NFILZ: variants seen among roughly 807,000 people sequenced by gnomAD.
NFILZ encodes the protein NFIL3 like protein.
chr19:8,672,003 C>T (rs73505735), intron 3 of NFILZ, among the ~76,000 whole-genome samples: 1 of 152,354 alleles, frequency 6.6e-6, no homozygotes, highest in African/African-American at 2.4e-5. Flanking sequence ...CTGCACCTCA[C>T]TGTTATGGGT....
At chr19:8,668,034 T>C (rs1384962108) in intron 3 of NFILZ, among the ~76,000 whole-genome samples, 1 of 152,162 alleles carries the variant, frequency 6.6e-6, no homozygotes, top group Non-Finnish European at 1.5e-5. Flanking sequence ...TACTTCAGCC[T>C]CCACCTCCCA....
At position 8,656,444 on chromosome 19, in the gene NFILZ, T is replaced by TGAAACCCACCTCTTTC. The variant is rs2043000866; in HGVS notation, c.-163-18107_-163-18106insGAAACCCACCTCTTTC. 1.9e-3 allele frequency among the ~76,000 whole-genome samples: 77 copies of TGAAACCCACCTCTTTC among 40,194 alleles called. 1 individual carries two copies. Among genetic ancestry groups the TGAAACCCACCTCTTTC allele is most frequent in the Middle Eastern group, 8.5e-3 (1 of 118 alleles). The allele number at this position is 40,194 out of a possible 152,430, so 26.4% of individuals were successfully genotyped here. On this transcript the variant is annotated intron_variant, in intron 3 of 5. Transcript: ENST00000691075. Reference sequence around the variant, plus strand: ...CCTCTTTCCGCAGCCCACCTTCTCCTCGAAGCCCACCTTCTCTCTGAAGCC... The same window carrying TGAAACCCACCTCTTTC: ...CCTCTTTCCGCAGCCCACCTTCTCCTGAAACCCACCTCTTTCCGAAGCCCACCTTCTCTCTGAAGCC...
intron 3 of NFILZ, among the ~76,000 whole-genome samples, chr19:8,639,711 T>C (rs1314495042): frequency 1.3e-5 from 2 of 151,654 alleles, no homozygotes; most frequent in East Asian, 1.9e-4. Flanking sequence ...CCTGAAGGAG[T>C]TGTTGGAAGG....
chr19:8,652,103 A>ATT lies in NFILZ; in HGVS notation c.-164+16373_-164+16374dup, dbSNP rs35038370. Among the ~76,000 whole-genome samples the ATT allele has an allele frequency of 2.6e-3, 368 of 141,798 alleles. 3 individuals carry two copies. The highest frequency in any genetic ancestry group is 5.8e-3 in the African/African-American group (222 of 38,082). The allele number at this position is 141,798 out of a possible 152,430, so 93.0% of individuals were successfully genotyped here. A position where few individuals can be genotyped will look rare whatever the true frequency, so the allele number is the denominator to read the frequency against. On this transcript the variant is annotated intron_variant, in intron 3 of 5. Coordinates refer to ENST00000691075, the MANE Select transcript of NFILZ (RefSeq NM_001378600.1). ...TGTACTTTGCTGTGACCACTGGGAG[A>ATT]TTTTTTTTTTTTTTTTTGAAACGGA... is the stretch of plus-strand genomic sequence containing the variant.
intron 3 of NFILZ, among the ~76,000 whole-genome samples, chr19:8,649,264 C>T (rs533018504): frequency 3.5e-4 from 48 of 137,722 alleles, no homozygotes; most frequent in Admixed American, 9.6e-4. Flanking sequence ...CCACACCTGG[C>T]AATTAAGCAA....
At chr19:8,652,595 C>T (rs1178064780) in intron 3 of NFILZ, among the ~76,000 whole-genome samples, 4 of 152,154 alleles carry the variant, frequency 2.6e-5, no homozygotes, top group African/African-American at 9.7e-5. Context: ...TAAAATGTTA[C>T]ATCATTTTAC....
chr19:8,666,547 A>G (rs1555749831), intron 3 of NFILZ, among the ~76,000 whole-genome samples: 1 of 152,094 alleles, frequency 6.6e-6, no homozygotes, highest in Non-Finnish European at 1.5e-5. Context: ...TATGATGATA[A>G]CCTTGAACCC....
At chr19:8,672,968 A>G (rs2043095212) in intron 3 of NFILZ, among the ~76,000 whole-genome samples, 1 of 152,048 alleles carries the variant, frequency 6.6e-6, no homozygotes, top group South Asian at 2.1e-4. Flanking sequence ...TGTGGGGGAC[A>G]AGGGTGGAGG....
chr19:8,662,568 C>T (rs543426915), intron 3 of NFILZ, among the ~76,000 whole-genome samples: 1 of 151,214 alleles, frequency 6.6e-6, no homozygotes, highest in African/African-American at 2.4e-5. Flanking sequence ...TGCAGTTGTC[C>T]AGTTACGTGA....
rs570504460 is a variant in NFILZ, at chr19:8,679,805, C to T, written c.*2170C>T. Among the ~76,000 whole-genome samples, 1 of 152,130 alleles carries T rather than the reference C, an allele frequency of 6.6e-6. No homozygotes were observed. Among genetic ancestry groups the T allele is most frequent in the Non-Finnish European group, 1.5e-5 (1 of 68,032 alleles). ...CTATAAATGTTTACCTATAAATGAG[C>T]CCATTCCCTAGAAATATATTGTGAA... is the stretch of plus-strand genomic sequence containing the variant. On this transcript the variant is annotated 3_prime_UTR_variant, in exon 6 of 6. Transcript: ENST00000691075.
At chr19:8,641,595 G>A (rs781868431) in intron 3 of NFILZ, among the ~76,000 whole-genome samples, 1 of 152,178 alleles carries the variant, frequency 6.6e-6, no homozygotes, top group Non-Finnish European at 1.5e-5. Flanking sequence ...GGGAAACTGA[G>A]TCAAAAGAGC....
intron 3 of NFILZ, among the ~76,000 whole-genome samples, chr19:8,646,779 T>C (rs1039240428): frequency 6.6e-6 from 1 of 152,164 alleles, no homozygotes; most frequent in Non-Finnish European, 1.5e-5. Flanking sequence ...GTCTGTGCTG[T>C]TCCCTCTGTC....
intron 3 of NFILZ, among the ~76,000 whole-genome samples, chr19:8,642,166 T>C (rs569732564): frequency 6.8e-6 from 1 of 146,120 alleles, no homozygotes; most frequent in Admixed American, 6.8e-5. Context: ...TTTATCACCG[T>C]TCTCTTTTTT....
chr19:8,654,139 G>A (rs2042981492), intron 3 of NFILZ, among the ~76,000 whole-genome samples: 2 of 152,114 alleles, frequency 1.3e-5, no homozygotes, highest in African/African-American at 2.4e-5. Context: ...GGCTGAGGCA[G>A]GAGAATCACT....
chr19:8,668,286 T>C (rs76710412), intron 3 of NFILZ, among the ~76,000 whole-genome samples: 13 of 131,128 alleles, frequency 9.9e-5, no homozygotes, highest in East Asian at 5.2e-4. Flanking sequence ...ATTATTTTTA[T>C]TGTTGTCTTG....
intron 3 of NFILZ, among the ~76,000 whole-genome samples, chr19:8,645,657 C>T (rs373824023): frequency 4.6e-5 from 7 of 152,114 alleles, no homozygotes; most frequent in South Asian, 2.1e-4. Context: ...AAGAGACCCT[C>T]GAGCTGGCCC....
intron 2 of NFILZ, among the ~76,000 whole-genome samples, chr19:8,633,803 T>A (rs898486628): frequency 6.6e-6 from 1 of 151,748 alleles, no homozygotes; most frequent in Non-Finnish European, 1.5e-5. Flanking sequence ...GGACAGGAGG[T>A]TGTGGAAGGG....
At chr19:8,646,587 C>T (rs1482284718) in intron 3 of NFILZ, among the ~76,000 whole-genome samples, 2 of 152,128 alleles carry the variant, frequency 1.3e-5, no homozygotes, top group Admixed American at 6.6e-5. Context: ...TGCCTAGAAC[C>T]GTCAGTGGCT....
At chr19:8,654,016 G>T (rs1258283433) in intron 3 of NFILZ, among the ~76,000 whole-genome samples, 1 of 151,996 alleles carries the variant, frequency 6.6e-6, no homozygotes, top group Non-Finnish European at 1.5e-5. Context: ...ATCACCTGAG[G>T]TCAGGAGTTT....
Sources: gnomAD v4.1 joint callset for allele counts (sites outside exome capture counted in the v4.1 genomes callset) on GRCh38, gnomAD v4.1.1 for gene constraint, MANE v1.5 for transcripts, NCBI Gene and HGNC (gene_info 2026-07-23, HGNC 2026-07-21) for gene names.